Variants in SPAG16 observed in about 807,000 individuals in gnomAD.
SPAG16 encodes sperm associated antigen 16.
Under a neutral mutation model 80.4 loss-of-function variants are expected in SPAG16, and 86 were observed. The observed-to-expected ratio is 1.07, with a 90% confidence interval of 0.90 to 1.28. The LOEUF is 1.28. SPAG16 is among the 50% of genes most tolerant of loss of function. The probability of loss-of-function intolerance (pLI) is 0.00; values close to 1 mark genes in which losing one functional copy is unlikely to be tolerated. For synonymous variants in SPAG16, 294 were observed against 265.9 expected (o/e 1.11, Z -1.03); for missense variants, 870 against 765.3 (o/e 1.14, Z -1.61).
At chr2:214,395,957 T>C (rs1701342942) in intron 15 of SPAG16, among the ~76,000 whole-genome samples, 2 of 152,294 alleles carry the variant, frequency 1.3e-5, no homozygotes, top group Admixed American at 1.3e-4. Flanking sequence ...TGATTCTGTG[T>C]CTTTGCTATT....
intron 10 of SPAG16, among the ~76,000 whole-genome samples, chr2:213,711,327 G>T (rs942117824): frequency 6.6e-6 from 1 of 151,878 alleles, no homozygotes; most frequent in Non-Finnish European, 1.5e-5. Flanking sequence ...AATATCTAAA[G>T]ATCATTTAGA....
chr2:213,435,818 G>T (rs536445178), intron 9 of SPAG16, among the ~76,000 whole-genome samples: 1 of 152,230 alleles, frequency 6.6e-6, no homozygotes, highest in African/African-American at 2.4e-5. Context: ...CATAAAATAT[G>T]TATTAAGGGT....
intron 12 of SPAG16, among the ~76,000 whole-genome samples, chr2:213,989,870 T>C (rs190849660): frequency 6.0e-4 from 92 of 152,256 alleles, no homozygotes; most frequent in African/African-American, 2.2e-3. Context: ...AGTATTCTTT[T>C]TATGAAACCT....
chr2:213,698,559 GC>G (rs564035623), intron 10 of SPAG16, among the ~76,000 whole-genome samples: 95 of 152,270 alleles, frequency 6.2e-4, no homozygotes, highest in Middle Eastern at 3.4e-3. Context: ...ATTGTGCCTT[GC>G]TTTATTAGTG....
At chr2:213,917,222 T>C (rs1272028051) in intron 11 of SPAG16, among the ~76,000 whole-genome samples, 2 of 152,202 alleles carry the variant, frequency 1.3e-5, no homozygotes, top group Non-Finnish European at 2.9e-5. Flanking sequence ...TGCCTCCAGC[T>C]TTGCTATTTT....
chr2:214,036,078 T>C (rs2048681514), intron 13 of SPAG16, among the ~76,000 whole-genome samples: 1 of 152,258 alleles, frequency 6.6e-6, no homozygotes, highest in Non-Finnish European at 1.5e-5. Context: ...TTTATTAATT[T>C]ATTTTCTACC....
chr2:214,062,657 A>G (rs1187680443), intron 13 of SPAG16, among the ~76,000 whole-genome samples: 1 of 145,786 alleles, frequency 6.9e-6, no homozygotes, highest in Non-Finnish European at 1.5e-5. Flanking sequence ...ACCTGTTGTA[A>G]TAGCCTCCTC....
intron 10 of SPAG16, among the ~76,000 whole-genome samples, chr2:213,529,248 C>T (rs2075987768): frequency 6.6e-6 from 1 of 152,064 alleles, no homozygotes; most frequent in African/African-American, 2.4e-5. Flanking sequence ...ATGGATATTG[C>T]TCTTTATTTT....
At position 214,289,986 on chromosome 2, in the gene SPAG16, G is replaced by T. The variant is rs34040211; in HGVS notation, c.1721-120154G>T. 5.9e-5 allele frequency among the ~76,000 whole-genome samples: 9 copies of T among 152,110 alleles called. No homozygotes were observed. In the South Asian group the frequency reaches 1.9e-3, roughly 31 times the overall value. Reference sequence around the variant, plus strand: ...CTTCAATTTTTTTGAATACTTTCAGGAGAATTGGTATTAGTTCTTTATATG... The same window carrying T: ...CTTCAATTTTTTTGAATACTTTCAGTAGAATTGGTATTAGTTCTTTATATG... On this transcript the variant is annotated intron_variant, in intron 15 of 15. Transcript: ENST00000331683.
chr2:214,358,940 T>C (rs1322109962), intron 15 of SPAG16, among the ~76,000 whole-genome samples: 1 of 151,910 alleles, frequency 6.6e-6, no homozygotes, highest in Non-Finnish European at 1.5e-5. Context: ...TTCATTGATA[T>C]TAATTTGCTA....
intron 10 of SPAG16, among the ~76,000 whole-genome samples, chr2:213,771,356 T>G (rs1165888480): frequency 6.6e-6 from 1 of 152,178 alleles, no homozygotes; most frequent in Non-Finnish European, 1.5e-5. Flanking sequence ...ATATTAGACA[T>G]TTATCAAATG....
rs577103355 is a variant in SPAG16 at position 213,642,873 on chromosome 2, C to T, written c.1070+152783C>T. On this transcript the variant is annotated intron_variant, in intron 10 of 15. Transcript: ENST00000331683. ...AAGAGAGACTGGTCTAACCTCCCAG[C>T]CTACATCTCTTTTCCATGCTGGATG... is the stretch of plus-strand genomic sequence containing the variant. Among the ~76,000 whole-genome samples the T allele has an allele frequency of 1.5e-4, 22 of 146,694 alleles. No individual in the cohort carries two copies. The South Asian group carries it at 4.7e-3, about 31-fold the overall frequency.
At chr2:214,241,644 T>G (rs1689498254) in intron 15 of SPAG16, among the ~76,000 whole-genome samples, 1 of 152,208 alleles carries the variant, frequency 6.6e-6, no homozygotes, top group Admixed American at 6.5e-5. Flanking sequence ...ATGTCTGCAT[T>G]CTATGTTTAA....
At chr2:213,290,418 A>G (rs2062224228) in intron 1 of SPAG16, among the ~76,000 whole-genome samples, 1 of 152,218 alleles carries the variant, frequency 6.6e-6, no homozygotes, top group African/African-American at 2.4e-5. Flanking sequence ...CCCAGGCAAG[A>G]ACAATCTAGA....
intron 10 of SPAG16, among the ~76,000 whole-genome samples, chr2:213,592,358 A>G (rs2060725223): frequency 1.3e-5 from 2 of 152,194 alleles, no homozygotes; most frequent in African/African-American, 2.4e-5. Flanking sequence ...TGTATTTTAG[A>G]TTTTTATTAG....
intron 13 of SPAG16, among the ~76,000 whole-genome samples, chr2:214,026,643 C>T (rs2048145021): frequency 6.6e-6 from 1 of 151,400 alleles, no homozygotes; most frequent in East Asian, 1.9e-4. Flanking sequence ...TTATTCTAAC[C>T]TTTATATCTC....
intron 3 of SPAG16, among the ~76,000 whole-genome samples, chr2:213,306,774 C>T (rs1005562905): frequency 6.6e-6 from 1 of 152,064 alleles, no homozygotes; most frequent in Non-Finnish European, 1.5e-5. Flanking sequence ...CTACAGTCTC[C>T]CTCCCACAGG....
chr2:213,524,492 A>G (rs1191121952), intron 10 of SPAG16, among the ~76,000 whole-genome samples: 1 of 152,158 alleles, frequency 6.6e-6, no homozygotes, highest in African/African-American at 2.4e-5. Flanking sequence ...TGCCTGGAAA[A>G]GCCACAGACA....
chr2:214,278,674 C>T (rs1692663414), intron 15 of SPAG16, among the ~76,000 whole-genome samples: 1 of 152,070 alleles, frequency 6.6e-6, no homozygotes, highest in South Asian at 2.1e-4. Context: ...ATATGAGGGG[C>T]AAATTTGAGA....
Sources: gnomAD v4.1 joint callset for allele counts (sites outside exome capture counted in the v4.1 genomes callset) on GRCh38, gnomAD v4.1.1 for gene constraint, MANE v1.5 for transcripts, NCBI Gene and HGNC (gene_info 2026-07-23, HGNC 2026-07-21) for gene names.